TENM2: variants seen among roughly 807,000 people sequenced by gnomAD.
TENM2 encodes teneurin-2.
A neutral mutation model predicts 245.2 loss-of-function variants in TENM2; 52 were observed. The ratio of observed to expected loss-of-function variants is 0.21; its 90% CI spans 0.17 to 0.27. TENM2 has a LOEUF of 0.27. Ranked by LOEUF, TENM2 falls within the 10% of genes least tolerant of loss-of-function variation. The pLI is 1.00. For synonymous variants in TENM2, 1,363 were observed against 1,438.9 expected, an observed-to-expected ratio of 0.95 and a Z score of 1.19; for missense variants, 3,046 against 3,666.8, an observed-to-expected ratio of 0.83 and a Z score of 4.37.
At chr5:167,460,931 A>G (rs1350839349) in intron 2 of TENM2, among the ~76,000 whole-genome samples, 1 of 152,196 alleles carries the variant, frequency 6.6e-6, no homozygotes, top group Non-Finnish European at 1.5e-5. Flanking sequence ...ATCTACTCAC[A>G]AAGAAATGAA....
At chr5:167,242,612 C>T in the TENM2 span, among the ~76,000 whole-genome samples, 2 of 152,124 alleles carry the variant, frequency 1.3e-5, no homozygotes, top group South Asian at 2.1e-4. Context: ...TATGATGATC[C>T]ACTTTCACTT....
chr5:167,632,246 G>T (rs1778921489), intron 2 of TENM2, among the ~76,000 whole-genome samples: 2 of 152,148 alleles, frequency 1.3e-5, no homozygotes, highest in South Asian at 4.1e-4. Flanking sequence ...AGTATTACAA[G>T]TTATCATGGG....
the TENM2 span, among the ~76,000 whole-genome samples, chr5:167,000,869 A>G: frequency 1.3e-5 from 2 of 152,186 alleles, no homozygotes; most frequent in Non-Finnish European, 2.9e-5. Context: ...TTACTTATGT[A>G]AAAACCTTCT....
At chr5:167,413,320 T>C (rs1456154022) in intron 2 of TENM2, among the ~76,000 whole-genome samples, 1 of 152,062 alleles carries the variant, frequency 6.6e-6, no homozygotes, top group African/African-American at 2.4e-5. Context: ...AAATACGATG[T>C]ATTCAATTTC....
chr5:167,700,338 G>T (rs191028096), intron 2 of TENM2, among the ~76,000 whole-genome samples: 418 of 152,272 alleles, frequency 2.7e-3, no homozygotes, highest in Non-Finnish European at 4.8e-3. Flanking sequence ...AAGTACTAGG[G>T]GTTGGGCCAA....
intron 5 of TENM2, among the ~76,000 whole-genome samples, chr5:168,004,685 C>T (rs956266833): frequency 3.9e-5 from 6 of 152,186 alleles, no homozygotes; most frequent in African/African-American, 1.4e-4. Flanking sequence ...TCTAGTCCTG[C>T]TTCCAAAGAT....
chr5:166,987,420 GGTGTGTGT>G, the TENM2 span, among the ~76,000 whole-genome samples: 39 of 147,074 alleles, frequency 2.7e-4, no homozygotes, highest in South Asian at 6.5e-4. Context: ...GTTTAGTAAG[GGTGTGTGT>G]GTGTGTGTGT....
the TENM2 span, among the ~76,000 whole-genome samples, chr5:167,141,267 T>A: frequency 6.6e-6 from 1 of 152,232 alleles, no homozygotes; most frequent in Non-Finnish European, 1.5e-5. Context: ...TTTCAAGCTC[T>A]CTTGTAGCAG....
At chr5:167,671,410 G>T (rs142550232) in intron 2 of TENM2, among the ~76,000 whole-genome samples, 5 of 151,856 alleles carry the variant, frequency 3.3e-5, no homozygotes, top group African/African-American at 1.2e-4. Flanking sequence ...CATTTTTCTC[G>T]GGCATAGCTG....
chr5:167,696,059 A>G (rs980779044), intron 2 of TENM2, among the ~76,000 whole-genome samples: 3 of 150,618 alleles, frequency 2.0e-5, no homozygotes, highest in South Asian at 4.2e-4. Context: ...CAAAAAAAAA[A>G]CAACAACAAC....
intron 10 of TENM2, among the ~76,000 whole-genome samples, chr5:168,123,146 A>AAG (rs1554202083): frequency 6.6e-6 from 1 of 151,426 alleles, no homozygotes; most frequent in Admixed American, 6.6e-5. Flanking sequence ...AAAAAAAAAA[A>AAG]AACATAGCTG....
At chr5:168,251,268 C>G (rs139699681) in intron 27 of TENM2, among the ~76,000 whole-genome samples, 1 of 152,214 alleles carries the variant, frequency 6.6e-6, no homozygotes, top group Middle Eastern at 3.2e-3. Context: ...GCCTCACTGA[C>G]CCCCTCAGCT....
chr5:167,813,637 C>T (rs2151003404), intron 2 of TENM2, among the ~76,000 whole-genome samples: 1 of 152,220 alleles, frequency 6.6e-6, no homozygotes. Flanking sequence ...AAGCCTTCAA[C>T]CACTGGCCCA....
intron 2 of TENM2, among the ~76,000 whole-genome samples, chr5:167,430,994 C>T (rs1020299421): frequency 5.3e-5 from 8 of 152,042 alleles, no homozygotes; most frequent in East Asian, 1.9e-4. Flanking sequence ...TTTAATGATT[C>T]GAAATATCTA....
intron 1 of TENM2, among the ~76,000 whole-genome samples, chr5:167,322,023 G>T (rs1215591525): frequency 6.6e-6 from 1 of 151,628 alleles, no homozygotes; most frequent in South Asian, 2.1e-4. Context: ...GTAGACACAG[G>T]GTTTCACCTT....
In TENM2 at chr5:167,556,736, A is replaced by C. The variant is rs141696730; in HGVS notation, c.502+181263A>C. 1.4e-3 allele frequency among the ~76,000 whole-genome samples: 216 copies of C among 152,248 alleles called. 1 individual carries two copies. Among genetic ancestry groups the C allele is most frequent in the African/African-American group, 5.1e-3 (211 of 41,538 alleles). ...GTCTGTGTCAATGCTTTTGATGTATACTGGCTGCCTAGGACATTGGGGTGA... is the reference window on the plus strand; with the variant it reads ...GTCTGTGTCAATGCTTTTGATGTATCCTGGCTGCCTAGGACATTGGGGTGA... On this transcript the variant is annotated intron_variant, in intron 2 of 28. Transcript: ENST00000518659.
intron 2 of TENM2, among the ~76,000 whole-genome samples, chr5:167,404,643 G>A (rs1195448100): frequency 6.6e-6 from 1 of 152,076 alleles, no homozygotes; most frequent in African/African-American, 2.4e-5. Flanking sequence ...ACCCAGTGCT[G>A]CTCATATCAT....
At chr5:168,200,175 A>T (rs1357959536) in intron 17 of TENM2, 44 bp downstream of exon 19, 2 of 1,569,338 alleles carry the variant, frequency 1.3e-6, no homozygotes, top group Non-Finnish European at 8.7e-7. Flanking sequence ...GGATTTAGTC[A>T]TGTGTTAATT....
At chr5:168,046,312 C>G (rs1334802104) in intron 5 of TENM2, among the ~76,000 whole-genome samples, 1 of 152,226 alleles carries the variant, frequency 6.6e-6, no homozygotes, top group African/African-American at 2.4e-5. Flanking sequence ...GTCAACAGCC[C>G]TTTCTCTCCT....
Sources: allele counts gnomAD v4.1 joint callset (sites outside exome capture counted in the v4.1 genomes callset), GRCh38; gene constraint gnomAD v4.1.1; transcripts MANE v1.5; gene names NCBI Gene and HGNC (gene_info 2026-07-23, HGNC 2026-07-21).